The following SLCO3A1 variants were observed in gnomAD, a reference collection of about 807,000 sequenced individuals.
SLCO3A1 encodes solute carrier organic anion transporter family member 3A1.
A neutral mutation model predicts 63.1 loss-of-function variants in SLCO3A1; 27 were observed. That is an observed-to-expected ratio of 0.43 (90% CI 0.32 to 0.59). SLCO3A1 has a LOEUF of 0.59. SLCO3A1 is among the 20% of genes least tolerant of loss of function. The pLI is 0.09. For synonymous variants in SLCO3A1, 473 were observed against 409.9 expected, an observed-to-expected ratio of 1.15 and a Z score of -1.86; for missense variants, 773 against 945.8, an observed-to-expected ratio of 0.82 and a Z score of 2.40.
At chr15:92,044,826 C>T (rs1218827456) in intron 2 of SLCO3A1, among the ~76,000 whole-genome samples, 1 of 152,130 alleles carries the variant, frequency 6.6e-6, no homozygotes, top group Non-Finnish European at 1.5e-5. Context: ...CTGACGTAGT[C>T]TCTGGCTTCC....
At chr15:92,154,350 GGT>G (rs1475036327) in intron 9 of SLCO3A1, among the ~76,000 whole-genome samples, 1 of 152,188 alleles carries the variant, frequency 6.6e-6, no homozygotes, top group Non-Finnish European at 1.5e-5. Flanking sequence ...AGTTGGGAGT[GGT>G]GTAGACCAGC....
At chr15:92,010,459 G>A (rs2046357128) in intron 2 of SLCO3A1, among the ~76,000 whole-genome samples, 1 of 152,062 alleles carries the variant, frequency 6.6e-6, no homozygotes, top group Non-Finnish European at 1.5e-5. Context: ...TTCTTCCTAG[G>A]ACACTTATTA....
At position 92,132,774 on chromosome 15, in the gene SLCO3A1, C is replaced by G. The variant is rs1054967666; in HGVS notation, c.1512+4285C>G. Among the ~76,000 whole-genome samples, 6 of 145,190 alleles carry G rather than the reference C, an allele frequency of 4.1e-5. 1 individual carries two copies. The highest frequency in any genetic ancestry group is 1.5e-4 in the African/African-American group (6 of 40,032). ...TTGAGCACCTGTTTCAGTGAAATGC[C>G]AAGTAGGTTCTGTGGCGGGGAGGAG... On this transcript the variant is annotated intron_variant, in intron 7 of 9. Coordinates refer to ENST00000318445, the MANE Select transcript of SLCO3A1 (RefSeq NM_013272.4).
rs546264746 is a variant in SLCO3A1 at position 91,980,502 on chromosome 15, A to C, written c.646+64044A>C. ...GGGAGAAGGGGGTACTCAGCTGGCC[A>C]GGGATGAAGCTTTAGTTGGTATGAA... is the stretch of plus-strand genomic sequence containing the variant. On this transcript the variant is annotated intron_variant, in intron 2 of 9. Coordinates refer to ENST00000318445, the MANE Select transcript of SLCO3A1 (RefSeq NM_013272.4). Among the ~76,000 whole-genome samples, 11 of 151,706 alleles carry C rather than the reference A, an allele frequency of 7.3e-5. No individual in the cohort carries two copies. The South Asian group carries it at 2.1e-3, about 29-fold the overall frequency.
chr15:91,942,523 A>G lies in SLCO3A1; in HGVS notation c.646+26065A>G, dbSNP rs1948898782. 6.6e-6 allele frequency among the ~76,000 whole-genome samples: 1 copy of G among 152,202 alleles called. No individual in the cohort carries two copies. Among genetic ancestry groups the G allele is most frequent in the South Asian group, 2.1e-4 (1 of 4,832 alleles). On this transcript the variant is annotated intron_variant, in intron 2 of 9. Transcript: ENST00000318445. This position sits in a 1 kb window ranked among gnomAD's most constrained non-coding sequence, Gnocchi z 4.1. ...CATCCCTCTTAGATTGACGATGCCC[A>G]GGCTCACTGGTTTTCAAACTTTGTT... is the stretch of plus-strand genomic sequence containing the variant.
intron 2 of SLCO3A1, among the ~76,000 whole-genome samples, chr15:92,037,657 G>A (rs749292025): frequency 3.3e-5 from 5 of 152,066 alleles, no homozygotes; most frequent in East Asian, 3.9e-4. Context: ...TCACTTTATC[G>A]TCATTCATTC....
rs550042355 is a variant in SLCO3A1, at chr15:92,163,560, A to T, written c.*425A>T. ...GTTTCCTAAAATAAAAAAAATTAAA[A>T]AAAAAAAACCCACAAGTTGAAAACA... On this transcript the variant is annotated 3_prime_UTR_variant, in exon 10 of 10. Transcript: ENST00000318445. 25 of 984,270 alleles carry T rather than the reference A, an allele frequency of 2.5e-5. No individual in the cohort carries two copies. The East Asian group carries it at 4.5e-4, about 18-fold the overall frequency. 61.0% of individuals were successfully genotyped at this position (984,270 alleles called of 1,614,324 possible).
intron 1 of SLCO3A1, among the ~76,000 whole-genome samples, chr15:91,880,740 T>C (rs984763902): frequency 2.6e-5 from 4 of 152,156 alleles, no homozygotes; most frequent in African/African-American, 9.7e-5. Context: ...GTGGAGGTAC[T>C]CCTGTTAGTT....
intron 2 of SLCO3A1, among the ~76,000 whole-genome samples, chr15:92,089,644 G>A (rs2151531920): frequency 6.6e-6 from 1 of 152,214 alleles, no homozygotes. Context: ...GCTTCTTGAG[G>A]GCAAAATTCT....
At chr15:92,070,606 T>A (rs989901962) in intron 2 of SLCO3A1, among the ~76,000 whole-genome samples, 1 of 151,048 alleles carries the variant, frequency 6.6e-6, no homozygotes, top group Admixed American at 6.6e-5. Flanking sequence ...ATCAGGCCAC[T>A]ACACTCCAGT....
intron 2 of SLCO3A1, among the ~76,000 whole-genome samples, chr15:92,044,333 T>C (rs1319645286): frequency 6.6e-6 from 1 of 152,174 alleles, no homozygotes; most frequent in Non-Finnish European, 1.5e-5. Context: ...TCTGGGAACT[T>C]ATCTCTTATC....
At chr15:91,869,003 T>A (rs1291423997) in intron 1 of SLCO3A1, among the ~76,000 whole-genome samples, 1 of 152,186 alleles carries the variant, frequency 6.6e-6, no homozygotes, top group East Asian at 1.9e-4. Context: ...TTTTAAAAAT[T>A]CAAAATCCCC....
At chr15:91,932,252 A>G (rs1008230351) in intron 2 of SLCO3A1, among the ~76,000 whole-genome samples, 5 of 152,230 alleles carry the variant, frequency 3.3e-5, no homozygotes, top group Non-Finnish European at 7.3e-5. Flanking sequence ...TTGAGATTTC[A>G]TAGAATAATT....
At chr15:91,985,061 A>G (rs2046035035) in intron 2 of SLCO3A1, among the ~76,000 whole-genome samples, 1 of 152,270 alleles carries the variant, frequency 6.6e-6, no homozygotes, top group Non-Finnish European at 1.5e-5. Flanking sequence ...TATGACCACC[A>G]CCCAGATCAA....
chr15:92,024,530 A>G (rs73534396), intron 2 of SLCO3A1, among the ~76,000 whole-genome samples: 17 of 152,254 alleles, frequency 1.1e-4, no homozygotes, highest in African/African-American at 3.1e-4. Flanking sequence ...GTTCGTGTGT[A>G]TGTATTCATC....
intron 2 of SLCO3A1, among the ~76,000 whole-genome samples, chr15:92,000,403 T>A (rs8029029): frequency 0.071 from 9,855 of 138,244 alleles, 490 homozygotes; most frequent in African/African-American, 0.16. Flanking sequence ...CCTTTTTTTT[T>A]AAAAAAAAAA....
intron 2 of SLCO3A1, among the ~76,000 whole-genome samples, chr15:91,978,879 C>T (rs1176374805): frequency 1.3e-5 from 2 of 152,234 alleles, no homozygotes; most frequent in African/African-American, 2.4e-5. Context: ...ATATCTGGCC[C>T]TTTACAGAAA....
At chr15:91,917,658 G>C (rs931870301) in intron 2 of SLCO3A1, among the ~76,000 whole-genome samples, 1 of 152,194 alleles carries the variant, frequency 6.6e-6, no homozygotes, top group Non-Finnish European at 1.5e-5. Flanking sequence ...GAACAAAGGG[G>C]AAGAGAAAAC....
chr15:92,083,266 G>T lies in SLCO3A1; in HGVS notation c.647-11615G>T, dbSNP rs561066292. ...GAAAACCTCAGGCTTCCCCCAAAGG[G>T]ATCTCTCATTTTGTCAAGTACAGAA... On this transcript the variant is annotated intron_variant, in intron 2 of 9. Transcript: ENST00000318445. 3.3e-4 allele frequency among the ~76,000 whole-genome samples: 51 copies of T among 152,262 alleles called. No individual in the cohort carries two copies. The South Asian group carries it at 6.6e-3, about 20-fold the overall frequency.
Sources: allele counts gnomAD v4.1 joint callset (sites outside exome capture counted in the v4.1 genomes callset), GRCh38; gene constraint gnomAD v4.1.1; non-coding constraint Gnocchi (gnomAD v3.1); transcripts MANE v1.5; gene names NCBI Gene and HGNC (gene_info 2026-07-23, HGNC 2026-07-21).